COL17A1: variants seen among roughly 807,000 people sequenced by gnomAD.
COL17A1 encodes collagen type XVII alpha 1 chain, also known as collagen alpha-1(XVII) chain.
Under a neutral mutation model 218.4 loss-of-function variants are expected in COL17A1, and 181 were observed. That is an observed-to-expected ratio of 0.83 (90% confidence interval 0.73 to 0.94). COL17A1 has a LOEUF of 0.94. Among genes scored for constraint, COL17A1 ranks in the 40% least tolerant of loss-of-function variants. The probability of loss-of-function intolerance (pLI) is 0.00; values close to 1 mark genes in which losing one functional copy is unlikely to be tolerated. For synonymous variants in COL17A1, 721 were observed against 731.0 expected (o/e 0.99, Z 0.22); for missense variants, 1,924 against 1,945.9 (o/e 0.99, Z 0.21).
In COL17A1 at chr10:104,063,860, C is replaced by G. The variant is rs111271593; in HGVS notation, c.767-42G>C. ...GAAGGCTGGTGAGAGGGACATCTGG[C>G]CCAGATAGGGATAGAGATTTGGATA... On this transcript the variant is annotated intron_variant, in intron 10 of 55. Transcript: ENST00000648076. 3.2e-4 allele frequency: 508 copies of G among 1,612,510 alleles called. 3 individuals carry two copies. Among genetic ancestry groups the G allele is most frequent in the African/African-American group, 2.1e-3 (159 of 75,014 alleles).
At chr10:104,048,161 T>A (rs2086432172) in intron 29 of COL17A1, 57 bp from the exon 30 acceptor site, 3 of 1,588,468 alleles carry the variant, frequency 1.9e-6, no homozygotes, top group Non-Finnish European at 2.6e-6. Flanking sequence ...CTGCGATTCC[T>A]CCCTCTACTG....
intron 32 of COL17A1, 151 bp downstream of exon 32, chr10:104,046,596 G>A (rs1206381277): frequency 4.1e-6 from 3 of 727,182 alleles, no homozygotes; most frequent in African/African-American, 1.8e-5. Context: ...TCCTTCCTAA[G>A]GTGCTTCTCA....
At chr10:104,070,787 C>T (rs894208076) in intron 8 of COL17A1, among the ~76,000 whole-genome samples, 3 of 152,186 alleles carry the variant, frequency 2.0e-5, no homozygotes, top group East Asian at 3.8e-4. Flanking sequence ...AAATCTTCTG[C>T]GTCTCACAAG....
chr10:104,058,929 G>A (rs1424369199), intron 15 of COL17A1, among the ~76,000 whole-genome samples: 3 of 80,324 alleles, frequency 3.7e-5, no homozygotes, highest in Admixed American at 1.7e-4. Flanking sequence ...GCAAGACTCC[G>A]TCTCAAAAAA....
At chr10:104,070,896 G>A (rs1205367824) in intron 8 of COL17A1, among the ~76,000 whole-genome samples, 2 of 152,148 alleles carry the variant, frequency 1.3e-5, no homozygotes, top group African/African-American at 4.8e-5. Flanking sequence ...GGATCAGGCA[G>A]TTAGAGAACC....
At chr10:104,046,576 T>C (rs2086412094) in intron 32 of COL17A1, among the ~76,000 whole-genome samples, 171 bp downstream of exon 32, 1 of 152,194 alleles carries the variant, frequency 6.6e-6, no homozygotes, top group African/African-American at 2.4e-5. Flanking sequence ...GATTGTTCTG[T>C]GCCTATTTTT....
chr10:104,037,458 ATCTGGACAGACCC>A (rs2086311872), intron 46 of COL17A1, among the ~76,000 whole-genome samples, 165 bp downstream of exon 46: 2 of 152,132 alleles, frequency 1.3e-5, no homozygotes, highest in South Asian at 4.2e-4. Flanking sequence ...GCCGCCCTGA[ATCTGGACAGACCC>A]TTGTTGACAC....
intron 3 of COL17A1, 22 bp from the exon 4 acceptor site, chr10:104,077,548 G>C: frequency 6.3e-7 from 1 of 1,591,238 alleles, no homozygotes; most frequent in Non-Finnish European, 8.6e-7. Context: ...AAAAGCAGGT[G>C]ATAATTTCAG....
chr10:104,061,410 G>C lies in COL17A1; in HGVS notation c.974C>G (p.Ser325Cys), dbSNP rs768387319. The change falls in exon 13 of 56, where the codon TCC becomes TGC. Residue 325 changes from serine (S) to cysteine (C), a missense_variant. Physicochemically the swap from Ser to Cys is moderately radical, Grantham distance 112 (BLOSUM62 -1). Coordinates refer to ENST00000648076, the MANE Select transcript of COL17A1 (RefSeq NM_000494.4). ...CAGCTGGGAGCAGCACTCACCGGCG[G>C]AGGTGGAAACGCCAGTGTTCACAGC... ...PAAVNTGVST[S>C]AACTTSVQSD... 6.2e-7 allele frequency: 1 copy of C among 1,613,440 alleles called. No homozygotes were observed. Among genetic ancestry groups the C allele is most frequent in the South Asian group, 1.1e-5 (1 of 91,042 alleles).
In COL17A1 at chr10:104,053,087, G is replaced by C; in HGVS notation, c.1883C>G (p.Pro628Arg). ...CCCTGCCTCACCACGAGGTCCCATGGGGCCTTCTCGCCCTCTCTGGCCCAT... is the reference window on the plus strand; with the variant it reads ...CCCTGCCTCACCACGAGGTCCCATGCGGCCTTCTCGCCCTCTCTGGCCCAT... Reference protein sequence around the residue: ...GPMGQRGREGPMGPRGEAGPP... With the variant: ...GPMGQRGREGRMGPRGEAGPP... The change falls in exon 23 of 56, where the codon CCC (proline) becomes CGC (arginine). Residue 628 changes from proline (P) to arginine (R), a missense_variant. By Grantham distance (103) the Pro-to-Arg change is moderately radical. Transcript: ENST00000648076. 6.2e-7 allele frequency: 1 copy of C among 1,613,938 alleles called. No homozygotes were observed. Among genetic ancestry groups the C allele is most frequent in the Non-Finnish European group, 8.5e-7 (1 of 1,180,032 alleles).
chr10:104,061,421 G>A lies in COL17A1; in HGVS notation c.963C>T (p.Gly321=), dbSNP rs138489061. The change falls in exon 13 of 56, where the codon GGC becomes GGT. Residue 321 remains glycine (G), a synonymous_variant. Coordinates refer to ENST00000648076, the MANE Select transcript of COL17A1 (RefSeq NM_000494.4). ...MPQSPAAVNT[G]VSTSAACTTS... ...AGCACTCACCGGCGGAGGTGGAAAC[G>A]CCAGTGTTCACAGCCGCAGGACTCT... is the stretch of plus-strand genomic sequence containing the variant. The A allele has an allele frequency of 3.6e-5, 58 of 1,613,512 alleles. No individual in the cohort carries two copies. The highest frequency in any genetic ancestry group is 3.5e-4 in the African/African-American group (26 of 75,018).
In COL17A1 at chr10:104,077,415, C is replaced by T; in HGVS notation, c.202+7G>A. The T allele has an allele frequency of 6.2e-7, 1 of 1,607,922 alleles. No individual in the cohort carries two copies. On this transcript the variant is annotated splice_region_variant and intron_variant, in intron 4 of 55. Coordinates refer to ENST00000648076, the MANE Select transcript of COL17A1 (RefSeq NM_000494.4). ...TTCCCTGACCTCTTGCACTAGTGGG[C>T]ACTCACTTGAGTTTATGTAGCCGCT...
chr10:104,035,943 T>A (rs2086282245), intron 48 of COL17A1, among the ~76,000 whole-genome samples: 1 of 148,738 alleles, frequency 6.7e-6, no homozygotes, highest in South Asian at 2.1e-4. Context: ...TGGGAGTGTA[T>A]GGGAGTGTGA....
chr10:104,055,482 A>ACACAC (rs57382788), intron 18 of COL17A1, 81 bp from the exon 19 acceptor site: 16 of 1,462,832 alleles, frequency 1.1e-5, no homozygotes, highest in South Asian at 2.4e-5. Flanking sequence ...ACACACACAC[A>ACACAC]ATAAGGGGAT....
intron 31 of COL17A1, among the ~76,000 whole-genome samples, chr10:104,047,259 C>T (rs753796555): frequency 5.3e-5 from 8 of 152,020 alleles, no homozygotes; most frequent in African/African-American, 1.2e-4. Flanking sequence ...TCTTTGCTCT[C>T]GGTGGAGACT....
intron 9 of COL17A1, among the ~76,000 whole-genome samples, chr10:104,069,480 A>G (rs1343740549): frequency 1.3e-5 from 2 of 152,162 alleles, no homozygotes; most frequent in African/African-American, 4.8e-5. Flanking sequence ...AATTCTCAAA[A>G]AGCATATTAC....
At chr10:104,044,537 C>T (rs935838446) in intron 33 of COL17A1, among the ~76,000 whole-genome samples, 3 of 152,136 alleles carry the variant, frequency 2.0e-5, no homozygotes, top group African/African-American at 7.2e-5. Context: ...TTCTCAAGTT[C>T]TGTTAGCAAT....
chr10:104,052,298 G>C, intron 23 of COL17A1, 81 bp from the exon 24 acceptor site: 7 of 1,576,082 alleles, frequency 4.4e-6, no homozygotes, highest in Non-Finnish European at 5.2e-6. Context: ...CATTTGGAGG[G>C]GATGCTTCCC....
At chr10:104,054,061 G>A in intron 21 of COL17A1, 31 bp downstream of exon 21, 1 of 1,613,620 alleles carries the variant, frequency 6.2e-7, no homozygotes, top group African/African-American at 1.3e-5. Flanking sequence ...TGCAACACTG[G>A]CAGGCCTGGA....
Sources: gnomAD v4.1 joint callset for allele counts (sites outside exome capture counted in the v4.1 genomes callset) on GRCh38, gnomAD v4.1.1 for gene constraint, MANE v1.5 for transcripts, NCBI Gene and HGNC (gene_info 2026-07-23, HGNC 2026-07-21) for gene names.